KLF7: variants seen among roughly 807,000 people sequenced by gnomAD.
The protein encoded by KLF7 is KLF transcription factor 7, also known as Krueppel-like factor 7.
In KLF7, 2 loss-of-function variants were observed where a neutral mutation model predicts 27.3. That is an observed-to-expected ratio of 0.07 (90% CI 0.03 to 0.23). KLF7 has a LOEUF of 0.23. Among genes scored for constraint, KLF7 ranks in the 10% least tolerant of loss-of-function variants. KLF7 has a pLI of 1.00. For synonymous variants in KLF7, 165 were observed against 162.4 expected, an observed-to-expected ratio of 1.02 and a Z score of -0.12; for missense variants, 221 against 394.1, an observed-to-expected ratio of 0.56 and a Z score of 3.72.
In KLF7 at chr2:207,134,029, A is replaced by G. The variant is rs2077711841; in HGVS notation, c.103-9625T>C. ...CTGTTAACTTTGCACACACACTCAC[A>G]CACCCTCCTCAAACTCCCTGGGCCC... On this transcript the variant is annotated intron_variant, in intron 1 of 3. Transcript: ENST00000309446. The G allele has an allele frequency of 9.3e-6, 14 of 1,504,708 alleles. No homozygotes were observed. In the East Asian group the frequency reaches 2.5e-4, roughly 26 times the overall value. The allele number at this position is 1,504,708 out of a possible 1,614,324, so 93.2% of individuals were successfully genotyped here. A position where few individuals can be genotyped will look rare whatever the true frequency, so the allele number is the denominator to read the frequency against.
chr2:207,089,243 T>G (rs2076456815), intron 2 of KLF7, among the ~76,000 whole-genome samples: 1 of 152,260 alleles, frequency 6.6e-6, no homozygotes, highest in Non-Finnish European at 1.5e-5. Context: ...GTTAGGAAGC[T>G]CATAGCTTAA....
At chr2:207,164,805 C>G (rs1004747568) in intron 1 of KLF7, among the ~76,000 whole-genome samples, 2 of 152,176 alleles carry the variant, frequency 1.3e-5, no homozygotes, top group Non-Finnish European at 2.9e-5. Flanking sequence ...AGGGTGTTCT[C>G]TTTCTGGAGG....
intron 1 of KLF7, among the ~76,000 whole-genome samples, chr2:207,161,791 T>A (rs1478280141): frequency 6.6e-6 from 1 of 152,208 alleles, no homozygotes; most frequent in African/African-American, 2.4e-5. Flanking sequence ...AGTAGCCAAG[T>A]ATGCCATTAG....
chr2:207,136,285 A>C lies in KLF7; in HGVS notation c.103-11881T>G, dbSNP rs139764715. On this transcript the variant is annotated intron_variant, in intron 1 of 3. Coordinates refer to ENST00000309446, the MANE Select transcript of KLF7 (RefSeq NM_003709.4). Reference sequence around the variant, plus strand: ...CACTCTCAGTTCCTTACCACAGCAAACCAGACTCTACATGATCTGACCTTA... The same window carrying C: ...CACTCTCAGTTCCTTACCACAGCAACCCAGACTCTACATGATCTGACCTTA... Among the ~76,000 whole-genome samples, 315 of 152,198 alleles carry C rather than the reference A, an allele frequency of 2.1e-3. 1 individual carries two copies. Among genetic ancestry groups the C allele is most frequent in the African/African-American group, 7.0e-3 (292 of 41,516 alleles).
intron 2 of KLF7, among the ~76,000 whole-genome samples, chr2:207,119,232 TC>T (rs1300814027): frequency 6.6e-5 from 10 of 152,214 alleles, no homozygotes; most frequent in African/African-American, 2.4e-4. Flanking sequence ...CAGGCCATTG[TC>T]CTGACTTCAC....
chr2:207,126,148 C>T (rs1296225599), intron 1 of KLF7, among the ~76,000 whole-genome samples: 2 of 152,182 alleles, frequency 1.3e-5, no homozygotes, highest in East Asian at 1.9e-4. Flanking sequence ...GAATTATCCT[C>T]ACTTGCTTCT....
chr2:207,169,777 T>G (rs1182136338), upstream of KLF7, among the ~76,000 whole-genome samples: 1 of 152,124 alleles, frequency 6.6e-6, no homozygotes, highest in Non-Finnish European at 1.5e-5. Flanking sequence ...GATCAGTTAT[T>G]TCGGTTTTAC....
intron 2 of KLF7, among the ~76,000 whole-genome samples, chr2:207,109,613 T>C (rs965918255): frequency 6.6e-6 from 1 of 152,246 alleles, no homozygotes. Context: ...GATATTATTA[T>C]TGCTTACTTG....
At chr2:207,103,719 C>T (rs954947408) in intron 2 of KLF7, among the ~76,000 whole-genome samples, 6 of 152,178 alleles carry the variant, frequency 3.9e-5, no homozygotes, top group Non-Finnish European at 8.8e-5. Flanking sequence ...AGGAAAGTTA[C>T]CTACTCTTTA....
intron 1 of KLF7, chr2:207,134,109 C>T (rs1246658370): frequency 2.6e-6 from 4 of 1,534,566 alleles, no homozygotes; most frequent in Non-Finnish European, 3.5e-6. Flanking sequence ...ATCATCTCCC[C>T]TTCCTCTCCC....
At chr2:207,168,736 A>AT (rs2078763743), upstream of KLF7, among the ~76,000 whole-genome samples, 2 of 152,218 alleles carry the variant, frequency 1.3e-5, no homozygotes, top group Admixed American at 1.3e-4. Flanking sequence ...TTTTAGATTC[A>AT]TTTTAAGAGA....
chr2:207,114,745 C>A (rs533113683), intron 2 of KLF7, among the ~76,000 whole-genome samples: 4 of 152,274 alleles, frequency 2.6e-5, no homozygotes, highest in Admixed American at 2.6e-4. Flanking sequence ...ATATTAGATA[C>A]CCTAAGACAC....
chr2:207,086,946 CAG>C (rs1276573117), intron 3 of KLF7, among the ~76,000 whole-genome samples: 2 of 152,198 alleles, frequency 1.3e-5, no homozygotes, highest in African/African-American at 2.4e-5. Context: ...AGACTATGGA[CAG>C]AGAGTCACCA....
intron 1 of KLF7, among the ~76,000 whole-genome samples, chr2:207,160,207 T>G (rs1231296509): frequency 6.6e-6 from 1 of 152,186 alleles, no homozygotes; most frequent in African/African-American, 2.4e-5. Flanking sequence ...TTCGGCATTT[T>G]GGGGTTAAAA....
chr2:207,107,907 C>T (rs1189274110), intron 2 of KLF7, among the ~76,000 whole-genome samples: 2 of 152,192 alleles, frequency 1.3e-5, no homozygotes, highest in Admixed American at 6.5e-5. Context: ...GTTTGCACAA[C>T]GTGATTGTGT....
intron 1 of KLF7, among the ~76,000 whole-genome samples, chr2:207,130,378 T>TA (rs372014846): frequency 7.9e-5 from 12 of 152,318 alleles, no homozygotes; most frequent in African/African-American, 1.9e-4. Context: ...AAATGAATCT[T>TA]AGAGTCCACA....
chr2:207,105,144 T>A (rs1249926094), intron 2 of KLF7, among the ~76,000 whole-genome samples: 1 of 152,158 alleles, frequency 6.6e-6, no homozygotes, highest in African/African-American at 2.4e-5. Flanking sequence ...ACTTAACAAG[T>A]TCTACATAAA....
intron 2 of KLF7, among the ~76,000 whole-genome samples, chr2:207,095,382 C>A (rs527254595): frequency 5.3e-5 from 8 of 152,308 alleles, no homozygotes; most frequent in Admixed American, 3.9e-4. Flanking sequence ...AAAACAATAA[C>A]TGGTCCTGGG....
intron 1 of KLF7, among the ~76,000 whole-genome samples, chr2:207,160,710 T>C (rs1007567402): frequency 6.6e-6 from 1 of 152,240 alleles, no homozygotes; most frequent in African/African-American, 2.4e-5. Context: ...CATAAAAGAA[T>C]GGCTATTAAA....
Sources: allele counts gnomAD v4.1 joint callset (sites outside exome capture counted in the v4.1 genomes callset), GRCh38; gene constraint gnomAD v4.1.1; transcripts MANE v1.5; gene names NCBI Gene and HGNC (gene_info 2026-07-23, HGNC 2026-07-21).